Variants in STPG2 observed in about 807,000 individuals in gnomAD.
The protein encoded by STPG2 is sperm-tail PG-rich repeat-containing protein 2.
A neutral mutation model predicts 54.2 loss-of-function variants in STPG2; 56 were observed. That is an observed-to-expected ratio of 1.03 (90% CI 0.83 to 1.29). STPG2 has a LOEUF of 1.29. STPG2 is among the 50% of genes most tolerant of loss of function. The pLI is 0.00. For synonymous variants in STPG2, 200 were observed against 181.8 expected, an observed-to-expected ratio of 1.10 and a Z score of -0.81; for missense variants, 596 against 544.9, an observed-to-expected ratio of 1.09 and a Z score of -0.93.
intron 10 of STPG2, among the ~76,000 whole-genome samples, chr4:97,632,510 C>G (rs1721323696): frequency 1.3e-5 from 2 of 152,088 alleles, no homozygotes; most frequent in African/African-American, 4.8e-5. Context: ...TTACATGTTT[C>G]AATAAAATAC....
intron 8 of STPG2, among the ~76,000 whole-genome samples, chr4:97,923,459 C>A (rs967123717): frequency 3.3e-5 from 5 of 152,262 alleles, no homozygotes; most frequent in African/African-American, 1.2e-4. Flanking sequence ...AGTGCTGGAT[C>A]CACTGGATGA....
At chr4:97,751,592 G>C (rs749901946) in intron 9 of STPG2, among the ~76,000 whole-genome samples, 1 of 151,760 alleles carries the variant, frequency 6.6e-6, no homozygotes, top group Non-Finnish European at 1.5e-5. Flanking sequence ...AAAGAATTTA[G>C]TAATTAGGTA....
chr4:98,090,405 G>A (rs1042403042), intron 5 of STPG2, among the ~76,000 whole-genome samples: 3 of 151,970 alleles, frequency 2.0e-5, no homozygotes, highest in Non-Finnish European at 2.9e-5. Context: ...CTGTTTCATT[G>A]GTCTACATGC....
At chr4:97,474,557 T>C (rs1322914837) in intron 4 of STPG2, among the ~76,000 whole-genome samples, 1 of 152,190 alleles carries the variant, frequency 6.6e-6, no homozygotes, top group Admixed American at 6.5e-5. Flanking sequence ...AAATTTTCCA[T>C]ACTACCCCTT....
At chr4:97,742,051 C>T (rs1725258088) in intron 9 of STPG2, among the ~76,000 whole-genome samples, 1 of 152,052 alleles carries the variant, frequency 6.6e-6, no homozygotes, top group Admixed American at 6.6e-5. Flanking sequence ...ATGATGAGTT[C>T]ATGTCCTTTG....
At chr4:97,781,665 T>C (rs146713786) in intron 9 of STPG2, among the ~76,000 whole-genome samples, 3,073 of 152,192 alleles carry the variant, frequency 0.02, 99 homozygotes, top group African/African-American at 0.07. Flanking sequence ...CTGATGAACA[T>C]CAATGCAAAA....
chr4:97,887,479 C>A (rs1730621391), intron 8 of STPG2, among the ~76,000 whole-genome samples: 1 of 152,196 alleles, frequency 6.6e-6, no homozygotes, highest in Middle Eastern at 3.4e-3. Flanking sequence ...AGTTTGAACA[C>A]AACAGTGATG....
chr4:97,971,446 T>C lies in STPG2; in HGVS notation c.933+834A>G, dbSNP rs563221024. Reference sequence around the variant, plus strand: ...GACTAGTTTAAGAAAATGTGGCACATATACACCATGGAATACTATGCAGCC... The same window carrying C: ...GACTAGTTTAAGAAAATGTGGCACACATACACCATGGAATACTATGCAGCC... On this transcript the variant is annotated intron_variant, in intron 7 of 10. Transcript: ENST00000295268. Among the ~76,000 whole-genome samples the C allele has an allele frequency of 8.5e-5, 13 of 152,282 alleles. No individual in the cohort carries two copies. In the South Asian group the frequency reaches 2.3e-3, roughly 27 times the overall value.
intron 8 of STPG2, among the ~76,000 whole-genome samples, chr4:97,894,936 T>G (rs1730904021): frequency 6.6e-6 from 1 of 151,956 alleles, no homozygotes; most frequent in Admixed American, 6.6e-5. Flanking sequence ...GAATATTTGA[T>G]CTATCACTTG....
intron 8 of STPG2, among the ~76,000 whole-genome samples, chr4:97,861,344 G>A (rs145940350): frequency 3.9e-5 from 6 of 151,984 alleles, no homozygotes; most frequent in East Asian, 1.9e-4. Context: ...AGCCAATAAC[G>A]AATGCTGGCA....
intron 5 of STPG2, among the ~76,000 whole-genome samples, chr4:98,009,730 T>C (rs1420052390): frequency 1.3e-5 from 2 of 152,136 alleles, no homozygotes; most frequent in Non-Finnish European, 2.9e-5. Context: ...TCTCCCTTGA[T>C]ATCTGTTAAT....
At chr4:97,538,435 G>A (rs909458175) in intron 4 of STPG2, among the ~76,000 whole-genome samples, 7 of 152,180 alleles carry the variant, frequency 4.6e-5, no homozygotes, top group Non-Finnish European at 8.8e-5. Flanking sequence ...TGGAAGAAAG[G>A]ATATCAGGGA....
chr4:97,644,028 A>G (rs1721838417), intron 10 of STPG2, among the ~76,000 whole-genome samples: 1 of 151,916 alleles, frequency 6.6e-6, no homozygotes, highest in African/African-American at 2.4e-5. Flanking sequence ...CTAGACTTGA[A>G]TTGATATGGC....
chr4:97,926,934 ATGT>A (rs1434478954), intron 8 of STPG2, among the ~76,000 whole-genome samples: 2 of 152,044 alleles, frequency 1.3e-5, no homozygotes, highest in Non-Finnish European at 2.9e-5. Context: ...AGTGAAATAA[ATGT>A]TGTACGTAAT....
rs1560698990 is a variant in STPG2 at position 98,143,376 on chromosome 4, G to T, written c.-226C>A. The T allele has an allele frequency of 1.9e-6, 1 of 517,072 alleles. No homozygotes were observed. The highest frequency in any genetic ancestry group is 3.5e-6 in the Non-Finnish European group (1 of 286,942). The allele number at this position is 517,072 out of a possible 1,614,324, so 32.0% of individuals were successfully genotyped here. On this transcript the variant is annotated 5_prime_UTR_variant, in exon 1 of 11. Coordinates refer to ENST00000295268, the MANE Select transcript of STPG2 (RefSeq NM_174952.3). Reference sequence around the variant, plus strand: ...TCTGTGGTAAAGTAGAGGGGTGAGCGACTAGAGATTAGACGTCCCACACAA... The same window carrying T: ...TCTGTGGTAAAGTAGAGGGGTGAGCTACTAGAGATTAGACGTCCCACACAA...
intron 8 of STPG2, among the ~76,000 whole-genome samples, chr4:97,898,086 C>A (rs747364321): frequency 6.6e-6 from 1 of 151,740 alleles, no homozygotes; most frequent in African/African-American, 2.4e-5. Flanking sequence ...TTGATTATGG[C>A]GTAAGGAAGA....
chr4:97,608,243 G>A (rs756895506), intron 10 of STPG2, among the ~76,000 whole-genome samples: 2 of 151,882 alleles, frequency 1.3e-5, no homozygotes, highest in Admixed American at 1.3e-4. Flanking sequence ...TTGTAACATG[G>A]CCTGTTTTCT....
At chr4:97,634,417 C>G (rs571878020) in intron 10 of STPG2, among the ~76,000 whole-genome samples, 40 of 152,146 alleles carry the variant, frequency 2.6e-4, no homozygotes, top group Non-Finnish European at 5.6e-4. Flanking sequence ...AAACTGGAAA[C>G]TAAAAATCAG....
intron 10 of STPG2, among the ~76,000 whole-genome samples, chr4:97,629,585 C>T (rs1352662644): frequency 6.6e-6 from 1 of 151,844 alleles, no homozygotes; most frequent in African/African-American, 2.4e-5. Context: ...ATGATTTGAG[C>T]CAATACAGTG....
Sources: allele counts gnomAD v4.1 joint callset (sites outside exome capture counted in the v4.1 genomes callset), GRCh38; gene constraint gnomAD v4.1.1; transcripts MANE v1.5; gene names NCBI Gene and HGNC (gene_info 2026-07-23, HGNC 2026-07-21).